The following GALNT13 variants were observed in gnomAD, a reference collection of about 807,000 sequenced individuals.
GALNT13 encodes polypeptide N-acetylgalactosaminyltransferase 13.
Under a neutral mutation model 64.2 loss-of-function variants are expected in GALNT13, and 28 were observed. That is an observed-to-expected ratio of 0.44 (90% CI 0.32 to 0.60). The LOEUF (loss-of-function observed/expected upper bound fraction) is 0.60, where lower values mean the gene tolerates loss of function less well. Ranked by LOEUF, GALNT13 falls within the 20% of genes least tolerant of loss-of-function variation. The probability of loss-of-function intolerance (pLI) is 0.05; values close to 1 mark genes in which losing one functional copy is unlikely to be tolerated. For missense variants in GALNT13, 577 were observed against 669.8 expected, an observed-to-expected ratio of 0.86 and a Z score of 1.53; for synonymous variants, 214 against 224.6, an observed-to-expected ratio of 0.95 and a Z score of 0.42.
At chr2:154,094,344 G>T (rs1372290982) in intron 3 of GALNT13, among the ~76,000 whole-genome samples, 1 of 151,850 alleles carries the variant, frequency 6.6e-6, no homozygotes, top group Admixed American at 6.6e-5. Context: ...GTAAGCTTTG[G>T]TGCAATGCTA....
the GALNT13 span, among the ~76,000 whole-genome samples, chr2:153,314,093 T>C: frequency 6.6e-6 from 1 of 152,190 alleles, no homozygotes; most frequent in South Asian, 2.1e-4. Context: ...ATAGGCATTA[T>C]AAAAATAGAA....
chr2:154,120,870 T>C (rs184564473), intron 3 of GALNT13, among the ~76,000 whole-genome samples: 1 of 152,202 alleles, frequency 6.6e-6, no homozygotes, highest in East Asian at 1.9e-4. Flanking sequence ...CCAAGATTCA[T>C]GCGCTAGTCA....
the GALNT13 span, among the ~76,000 whole-genome samples, chr2:153,864,033 T>G: frequency 1.1e-4 from 16 of 152,340 alleles, no homozygotes; most frequent in African/African-American, 3.8e-4. Context: ...TTTTCCACAT[T>G]GTCCTGATTT....
intron 12 of GALNT13, chr2:154,446,618 A>T (rs1002174914): frequency 6.5e-7 from 1 of 1,548,502 alleles, no homozygotes; most frequent in African/African-American, 1.4e-5. Context: ...CAGTGAACAA[A>T]GTAGCTGATG....
At chr2:154,294,615 G>T (rs528003901) in intron 8 of GALNT13, among the ~76,000 whole-genome samples, 1 of 152,312 alleles carries the variant, frequency 6.6e-6, no homozygotes, top group Non-Finnish European at 1.5e-5. Context: ...TATGTCAAAT[G>T]AGAGCCTTCA....
At chr2:153,823,467 C>T in the GALNT13 span, among the ~76,000 whole-genome samples, 1 of 152,066 alleles carries the variant, frequency 6.6e-6, no homozygotes, top group Admixed American at 6.5e-5. Flanking sequence ...GATACAAACC[C>T]TCACACAACC....
At chr2:153,861,405 G>GT in the GALNT13 span, among the ~76,000 whole-genome samples, 1 of 152,084 alleles carries the variant, frequency 6.6e-6, no homozygotes, top group African/African-American at 2.4e-5. Flanking sequence ...AAGGAATGTG[G>GT]TATTTAGACA....
chr2:154,306,113 G>C (rs144671557), intron 9 of GALNT13, among the ~76,000 whole-genome samples: 66 of 152,176 alleles, frequency 4.3e-4, no homozygotes, highest in Admixed American at 7.9e-4. Flanking sequence ...TGTTAAAAGA[G>C]AGGTGAAGGG....
At chr2:153,343,032 A>G in the GALNT13 span, among the ~76,000 whole-genome samples, 2 of 152,238 alleles carry the variant, frequency 1.3e-5, no homozygotes. Flanking sequence ...TATGTAGTCT[A>G]TGATCACATA....
intron 4 of GALNT13, among the ~76,000 whole-genome samples, chr2:154,168,863 A>G (rs1277330769): frequency 6.6e-6 from 1 of 151,868 alleles, no homozygotes; most frequent in Non-Finnish European, 1.5e-5. Flanking sequence ...AATAAAAAAG[A>G]GAAAGAAAAG....
At chr2:153,400,790 A>T in the GALNT13 span, among the ~76,000 whole-genome samples, 1 of 151,798 alleles carries the variant, frequency 6.6e-6, no homozygotes, top group Non-Finnish European at 1.5e-5. Context: ...ATCATTTTTT[A>T]TTGTGTCTAT....
At chr2:153,554,857 T>A in the GALNT13 span, among the ~76,000 whole-genome samples, 1 of 152,332 alleles carries the variant, frequency 6.6e-6, no homozygotes, top group South Asian at 2.1e-4. Context: ...TTATATCCTT[T>A]TAAAAATATA....
chr2:153,434,754 A>G, the GALNT13 span, among the ~76,000 whole-genome samples: 2 of 152,122 alleles, frequency 1.3e-5, no homozygotes, highest in Admixed American at 6.6e-5. Flanking sequence ...AGTAGGTTGC[A>G]AAAATTGTCT....
chr2:153,931,356 C>T (rs775890640), intron 2 of GALNT13, among the ~76,000 whole-genome samples: 1 of 151,676 alleles, frequency 6.6e-6, no homozygotes, highest in Non-Finnish European at 1.5e-5. Flanking sequence ...CGCTTGATTA[C>T]TCTCACTATG....
the GALNT13 span, among the ~76,000 whole-genome samples, chr2:153,365,905 G>T: frequency 1.7e-4 from 26 of 152,094 alleles, no homozygotes; most frequent in Admixed American, 2.6e-4. Flanking sequence ...ATACCTAAAG[G>T]ATTATAAATC....
At chr2:154,087,990 T>C (rs1558950613) in intron 3 of GALNT13, among the ~76,000 whole-genome samples, 1 of 152,100 alleles carries the variant, frequency 6.6e-6, no homozygotes, top group African/African-American at 2.4e-5. Flanking sequence ...AATAATGGAA[T>C]TTGTTATGTG....
intron 4 of GALNT13, among the ~76,000 whole-genome samples, chr2:154,218,096 A>C (rs1194815029): frequency 6.6e-6 from 1 of 152,136 alleles, no homozygotes; most frequent in African/African-American, 2.4e-5. Context: ...GGAAATAATA[A>C]TATCAATTTG....
chr2:153,630,799 ATATATATATTTTT>A, the GALNT13 span, among the ~76,000 whole-genome samples: 74 of 16,146 alleles, frequency 4.6e-3, no homozygotes, highest in Non-Finnish European at 6.2e-3. Flanking sequence ...ATATATATAT[ATATATATATTTTT>A]TTTTTTTTTT....
chr2:153,440,608 A>C, the GALNT13 span, among the ~76,000 whole-genome samples: 1 of 152,150 alleles, frequency 6.6e-6, no homozygotes, highest in Admixed American at 6.5e-5. Context: ...CCTCTCCAGC[A>C]TCTGTTTTTT....
Sources: allele counts gnomAD v4.1 joint callset (sites outside exome capture counted in the v4.1 genomes callset), GRCh38; gene constraint gnomAD v4.1.1; transcripts MANE v1.5; gene names NCBI Gene and HGNC (gene_info 2026-07-23, HGNC 2026-07-21).